Variants in KLHL1 observed in about 807,000 individuals in gnomAD.
KLHL1 encodes kelch like family member 1.
Under a neutral mutation model 77.7 loss-of-function variants are expected in KLHL1, and 47 were observed. That is an observed-to-expected ratio of 0.60 (90% CI 0.48 to 0.77). KLHL1 has a LOEUF of 0.77. KLHL1 is among the 30% of genes least tolerant of loss of function. The probability of loss-of-function intolerance (pLI) is 0.00; values close to 1 mark genes in which losing one functional copy is unlikely to be tolerated. For synonymous variants in KLHL1, 360 were observed against 325.2 expected (o/e 1.11, Z -1.15); for missense variants, 925 against 910.8 (o/e 1.02, Z -0.20).
intron 2 of KLHL1, among the ~76,000 whole-genome samples, chr13:69,967,444 GT>G (rs1884245411): frequency 6.6e-6 from 1 of 152,172 alleles, no homozygotes; most frequent in Non-Finnish European, 1.5e-5. Context: ...ATCTGAAGAT[GT>G]AACTGAATTG....
intron 1 of KLHL1, among the ~76,000 whole-genome samples, chr13:70,047,870 G>A (rs1886540585): frequency 6.6e-6 from 1 of 152,094 alleles, no homozygotes; most frequent in South Asian, 2.1e-4. Flanking sequence ...CATATAAAGG[G>A]GGAAGTGCAG....
At chr13:69,872,261 G>A (rs1880613559) in intron 5 of KLHL1, among the ~76,000 whole-genome samples, 1 of 152,056 alleles carries the variant, frequency 6.6e-6, no homozygotes, top group African/African-American at 2.4e-5. Flanking sequence ...AGTACATAGG[G>A]GGGACTCCAG....
chr13:69,764,506 A>G (rs1875175354), intron 7 of KLHL1, among the ~76,000 whole-genome samples: 1 of 151,370 alleles, frequency 6.6e-6, no homozygotes, highest in Non-Finnish European at 1.5e-5. Flanking sequence ...CTATAAATGA[A>G]TAAAGTCCTA....
rs1017004361 is a variant in KLHL1, at chr13:69,782,880, C to A, written c.1639+13858G>T. Among the ~76,000 whole-genome samples the A allele has an allele frequency of 4.6e-5, 7 of 152,204 alleles. No individual in the cohort carries two copies. The East Asian group carries it at 1.4e-3, about 29-fold the overall frequency. The stretch of plus-strand genomic sequence containing the variant: ...ACTGCCTCCTCAAGTGGGTCCCTGA[C>A]CCCCGAGCAGCCTAACTGGGAGGCA... On this transcript the variant is annotated intron_variant, in intron 7 of 10. Coordinates refer to ENST00000377844, the MANE Select transcript of KLHL1 (RefSeq NM_020866.3).
chr13:70,068,306 A>AGT (rs1887060607), intron 1 of KLHL1, among the ~76,000 whole-genome samples: 1 of 152,060 alleles, frequency 6.6e-6, no homozygotes, highest in South Asian at 2.1e-4. Flanking sequence ...GCGCCACTGC[A>AGT]CTCCAGCCTG....
intron 8 of KLHL1, among the ~76,000 whole-genome samples, chr13:69,735,642 C>T (rs1202881350): frequency 6.7e-6 from 1 of 150,280 alleles, no homozygotes; most frequent in Non-Finnish European, 1.5e-5. Context: ...ATAACCATGC[C>T]AAATTTAAAC....
At chr13:69,896,187 T>C (rs1310731764) in intron 4 of KLHL1, among the ~76,000 whole-genome samples, 2 of 152,166 alleles carry the variant, frequency 1.3e-5, no homozygotes, top group Admixed American at 1.3e-4. Flanking sequence ...CAATGGCAGG[T>C]TGAATTCTTC....
intron 9 of KLHL1, among the ~76,000 whole-genome samples, chr13:69,719,112 T>C (rs572102471): frequency 5.9e-5 from 9 of 151,828 alleles, no homozygotes; most frequent in African/African-American, 2.2e-4. Flanking sequence ...AAAAACATTG[T>C]GGGGATTTAA....
chr13:69,982,291 C>A (rs1457977388), intron 1 of KLHL1, among the ~76,000 whole-genome samples: 1 of 151,406 alleles, frequency 6.6e-6, no homozygotes, highest in Non-Finnish European at 1.5e-5. Context: ...AAAAAATTAG[C>A]CAGGCATGGT....
chr13:69,931,854 G>C (rs1883013446), intron 4 of KLHL1, among the ~76,000 whole-genome samples: 1 of 151,660 alleles, frequency 6.6e-6, no homozygotes, highest in African/African-American at 2.4e-5. Flanking sequence ...GAAATAAATA[G>C]AAAAAAGTTA....
At chr13:69,729,312 A>G (rs1042027969) in intron 8 of KLHL1, among the ~76,000 whole-genome samples, 6 of 152,200 alleles carry the variant, frequency 3.9e-5, no homozygotes, top group African/African-American at 1.4e-4. Context: ...TGAATCCGTC[A>G]GAACACACTC....
intron 4 of KLHL1, among the ~76,000 whole-genome samples, chr13:69,928,750 A>T (rs1443347261): frequency 6.6e-6 from 1 of 152,132 alleles, no homozygotes; most frequent in Non-Finnish European, 1.5e-5. Context: ...AAGGTAGATT[A>T]TTCCTAGCCT....
intron 9 of KLHL1, among the ~76,000 whole-genome samples, chr13:69,718,863 A>G (rs949160120): frequency 1.3e-5 from 2 of 152,102 alleles, no homozygotes; most frequent in East Asian, 1.9e-4. Context: ...TATAGCTCCA[A>G]TCAGTCTGTC....
chr13:69,954,880 G>A (rs775536092), intron 3 of KLHL1, among the ~76,000 whole-genome samples: 2 of 150,722 alleles, frequency 1.3e-5, no homozygotes, highest in Non-Finnish European at 3.0e-5. Flanking sequence ...GGAAAGGTAA[G>A]GATTTAATTG....
chr13:69,906,923 A>G (rs1416299783), intron 4 of KLHL1, among the ~76,000 whole-genome samples: 2 of 152,020 alleles, frequency 1.3e-5, no homozygotes, highest in African/African-American at 2.4e-5. Flanking sequence ...AAATTACCAT[A>G]TTTTGAAATC....
intron 1 of KLHL1, among the ~76,000 whole-genome samples, chr13:69,989,128 A>T (rs1383269599): frequency 6.6e-6 from 1 of 152,008 alleles, no homozygotes; most frequent in Non-Finnish European, 1.5e-5. Context: ...TCTTGAAATG[A>T]TTTTTGTATA....
intron 5 of KLHL1, among the ~76,000 whole-genome samples, chr13:69,851,917 T>C (rs1334102553): frequency 6.6e-6 from 1 of 151,912 alleles, no homozygotes; most frequent in East Asian, 1.9e-4. Flanking sequence ...TAGAAATAAC[T>C]GCATTTCAAT....
At chr13:69,959,658 C>CT (rs201932480) in intron 3 of KLHL1, among the ~76,000 whole-genome samples, 34 of 103,166 alleles carry the variant, frequency 3.3e-4, no homozygotes, top group African/African-American at 7.6e-4. Context: ...CAACCCGTAA[C>CT]TTTTTTTTTT....
chr13:69,812,532 C>A (rs1318227114), intron 6 of KLHL1, among the ~76,000 whole-genome samples: 3 of 152,086 alleles, frequency 2.0e-5, no homozygotes, highest in Non-Finnish European at 2.9e-5. Flanking sequence ...TCAGAGTGAA[C>A]AGCAACCTAC....
Sources: allele counts gnomAD v4.1 joint callset (sites outside exome capture counted in the v4.1 genomes callset), GRCh38; gene constraint gnomAD v4.1.1; transcripts MANE v1.5; gene names NCBI Gene and HGNC (gene_info 2026-07-23, HGNC 2026-07-21).